The following MSI2 variants were observed in gnomAD, a reference collection of about 807,000 sequenced individuals.
MSI2 encodes musashi RNA binding protein 2, also known as RNA-binding protein Musashi homolog 2.
In MSI2, 17 loss-of-function variants were observed where a neutral mutation model predicts 45.6. The ratio of observed to expected loss-of-function variants is 0.37; its 90% CI spans 0.26 to 0.56. MSI2 has a LOEUF of 0.56. Among genes scored for constraint, MSI2 ranks in the 20% least tolerant of loss-of-function variants. The pLI is 0.77. For synonymous variants in MSI2, 156 were observed against 158.2 expected (o/e 0.99, Z 0.11); for missense variants, 293 against 444.2 (o/e 0.66, Z 3.06).
intron 6 of MSI2, among the ~76,000 whole-genome samples, chr17:57,525,729 A>G (rs2086683261): frequency 6.6e-6 from 1 of 152,250 alleles, no homozygotes; most frequent in Non-Finnish European, 1.5e-5. Context: ...CTGCCAGGAC[A>G]TGGGACAAAT....
chr17:57,581,154 A>T (rs1486652306), intron 7 of MSI2, among the ~76,000 whole-genome samples: 1 of 151,938 alleles, frequency 6.6e-6, no homozygotes, highest in African/African-American at 2.4e-5. Flanking sequence ...CTGGAACTAC[A>T]GGCGTGTGCC....
At chr17:57,587,202 G>A (rs981665967) in intron 7 of MSI2, among the ~76,000 whole-genome samples, 2 of 152,150 alleles carry the variant, frequency 1.3e-5, no homozygotes, top group African/African-American at 4.8e-5. Flanking sequence ...TATTGTCTAG[G>A]AGCATCCATA....
At chr17:57,331,342 C>T (rs371666506) in intron 5 of MSI2, among the ~76,000 whole-genome samples, 15 of 152,178 alleles carry the variant, frequency 9.9e-5, no homozygotes, top group African/African-American at 3.6e-4. Flanking sequence ...CAACGCAGAC[C>T]TCTTTTTTGA....
At chr17:57,593,782 G>T (rs1260950184) in intron 7 of MSI2, among the ~76,000 whole-genome samples, 3 of 152,172 alleles carry the variant, frequency 2.0e-5, no homozygotes, top group East Asian at 1.9e-4. Context: ...CAAGGTGCCT[G>T]GGCGTGGGGG....
chr17:57,681,182 G>A lies in MSI2; in HGVS notation c.*1665G>A, dbSNP rs1268761954. The stretch of plus-strand genomic sequence containing the variant: ...CTTTGCACATGTTTAACATTTGGCT[G>A]TTATAATATATGGTCCTCGGTTGGG... On this transcript the variant is annotated 3_prime_UTR_variant, in exon 14 of 14. Coordinates refer to ENST00000284073, the MANE Select transcript of MSI2 (RefSeq NM_138962.4). The A allele has an allele frequency of 1.6e-5, 3 of 185,672 alleles. No individual in the cohort carries two copies. The highest frequency in any genetic ancestry group is 3.4e-5 in the Non-Finnish European group (3 of 87,800). 11.5% of individuals were successfully genotyped at this position (185,672 alleles called of 1,614,324 possible).
At chr17:57,320,733 C>T (rs1025673750) in intron 5 of MSI2, among the ~76,000 whole-genome samples, 1 of 152,114 alleles carries the variant, frequency 6.6e-6, no homozygotes, top group Non-Finnish European at 1.5e-5. Context: ...CTGGCCCCGT[C>T]TTAGGGTACA....
Position 57,282,835 on chromosome 17 carries a change from C to CTTTTTTTTTTTTTT in MSI2, c.312+20656_312+20657insTTTTTTTTTTTTTT, listed in dbSNP as rs564440544. 3.2e-5 allele frequency among the ~76,000 whole-genome samples: 3 copies of CTTTTTTTTTTTTTT among 92,748 alleles called. 1 individual carries two copies. Among genetic ancestry groups the CTTTTTTTTTTTTTT allele is most frequent in the African/African-American group, 8.5e-5 (2 of 23,428 alleles). 60.8% of individuals were successfully genotyped at this position (92,748 alleles called of 152,430 possible). A position where few individuals can be genotyped will look rare whatever the true frequency, so the allele number is the denominator to read the frequency against. On this transcript the variant is annotated intron_variant, in intron 5 of 13. Transcript: ENST00000284073. Reference sequence around the variant, plus strand: ...CTGGGGTTGGGGGGTGGGGGGCAGACTTTTTTTTTTTTTCAGGGAACTCTG... The same window carrying CTTTTTTTTTTTTTT: ...CTGGGGTTGGGGGGTGGGGGGCAGACTTTTTTTTTTTTTTTTTTTTTTTTTTTCAGGGAACTCTG...
chr17:57,498,516 C>T (rs969562882), intron 6 of MSI2, among the ~76,000 whole-genome samples: 2 of 152,210 alleles, frequency 1.3e-5, no homozygotes, highest in African/African-American at 4.8e-5. Flanking sequence ...GATCATCTCT[C>T]CGACCCCAGT....
intron 7 of MSI2, among the ~76,000 whole-genome samples, chr17:57,539,754 T>C (rs1347080081): frequency 2.6e-5 from 4 of 152,024 alleles, no homozygotes; most frequent in African/African-American, 9.7e-5. Context: ...AAAAGAAGCC[T>C]GGTTTGCGCC....
rs575010498 is a variant in MSI2 at position 57,312,566 on chromosome 17, G to A, written c.312+50374G>A. ...AGCAAACCCTGCAGTCTTCCAGAGT[G>A]TAAATTGAAGAGAAAGTGACCCTTT... is the stretch of plus-strand genomic sequence containing the variant. On this transcript the variant is annotated intron_variant, in intron 5 of 13. Coordinates refer to ENST00000284073, the MANE Select transcript of MSI2 (RefSeq NM_138962.4). Among the ~76,000 whole-genome samples the A allele has an allele frequency of 9.8e-4, 149 of 152,288 alleles. 1 individual carries two copies. Among genetic ancestry groups the A allele is most frequent in the African/African-American group, 3.5e-3 (146 of 41,560 alleles).
At chr17:57,446,513 T>C (rs1289516915) in intron 6 of MSI2, among the ~76,000 whole-genome samples, 2 of 152,198 alleles carry the variant, frequency 1.3e-5, no homozygotes, top group Non-Finnish European at 2.9e-5. Context: ...TTGGTCTCAA[T>C]GTTAAAGGTG....
At chr17:57,643,233 C>G (rs986862320) in intron 10 of MSI2, among the ~76,000 whole-genome samples, 1 of 152,194 alleles carries the variant, frequency 6.6e-6, no homozygotes, top group East Asian at 1.9e-4. Flanking sequence ...TGGAGCACCC[C>G]CTACGAGTGG....
At chr17:57,640,815 G>A (rs113886218) in intron 10 of MSI2, among the ~76,000 whole-genome samples, 142 of 152,302 alleles carry the variant, frequency 9.3e-4, no homozygotes, top group Non-Finnish European at 1.6e-3. Context: ...ATGATGCAGG[G>A]ACGCTCTGTG....
At chr17:57,688,598 T>C (rs1381122886), downstream of MSI2, among the ~76,000 whole-genome samples, 1 of 152,008 alleles carries the variant, frequency 6.6e-6, no homozygotes, top group African/African-American at 2.4e-5. Context: ...TTGAATAAGG[T>C]AAAATATCTT....
chr17:57,491,164 C>A (rs1454685158), intron 6 of MSI2, among the ~76,000 whole-genome samples: 1 of 152,228 alleles, frequency 6.6e-6, no homozygotes, highest in South Asian at 2.1e-4. Context: ...TCAGTTTATT[C>A]GGATTCTCCT....
chr17:57,569,866 C>T (rs1481643687), intron 7 of MSI2, among the ~76,000 whole-genome samples: 3 of 152,156 alleles, frequency 2.0e-5, no homozygotes, highest in African/African-American at 7.2e-5. Flanking sequence ...TTTTAGGGTG[C>T]AGTGCAGGAT....
At chr17:57,322,222 T>C (rs994486217) in intron 5 of MSI2, among the ~76,000 whole-genome samples, 7 of 152,208 alleles carry the variant, frequency 4.6e-5, no homozygotes, top group Non-Finnish European at 8.8e-5. Context: ...GGACCCAGTA[T>C]GTGGTAGCCA....
intron 10 of MSI2, among the ~76,000 whole-genome samples, chr17:57,643,153 C>A (rs1378238241): frequency 2.0e-5 from 3 of 152,028 alleles, no homozygotes; most frequent in Non-Finnish European, 4.4e-5. Context: ...TGGCTGCAGC[C>A]CAGGTTGAAA....
intron 5 of MSI2, among the ~76,000 whole-genome samples, chr17:57,392,395 C>T (rs959980673): frequency 6.6e-6 from 1 of 152,162 alleles, no homozygotes; most frequent in African/African-American, 2.4e-5. Flanking sequence ...CTGATCATTT[C>T]ATTACAAGAT....
Sources: gnomAD v4.1 joint callset for allele counts (sites outside exome capture counted in the v4.1 genomes callset) on GRCh38, gnomAD v4.1.1 for gene constraint, MANE v1.5 for transcripts, NCBI Gene and HGNC (gene_info 2026-07-23, HGNC 2026-07-21) for gene names.